PTPRK: variants seen among roughly 807,000 people sequenced by gnomAD.
PTPRK encodes receptor-type tyrosine-protein phosphatase kappa.
In PTPRK, 75 loss-of-function variants were observed where a neutral mutation model predicts 178.0. The observed-to-expected ratio is 0.42, with a 90% CI of 0.35 to 0.51. PTPRK has a LOEUF of 0.51. Among genes scored for constraint, PTPRK ranks in the 20% least tolerant of loss-of-function variants. The pLI, the probability that PTPRK is intolerant of heterozygous loss-of-function variation, is 0.02. For synonymous variants in PTPRK, 637 were observed against 620.6 expected (o/e 1.03, Z -0.39); for missense variants, 1,441 against 1,797.8 (o/e 0.80, Z 3.59).
chr6:128,141,174 AAT>A (rs1315782444), intron 7 of PTPRK, among the ~76,000 whole-genome samples: 1 of 151,978 alleles, frequency 6.6e-6, no homozygotes, highest in East Asian at 1.9e-4. Flanking sequence ...TATTTTATTA[AAT>A]AGTGTTCAAA....
Position 128,282,194 on chromosome 6 carries a change from G to C in PTPRK, c.496-39592C>G, listed in dbSNP as rs181977514. Among the ~76,000 whole-genome samples the C allele has an allele frequency of 1.6e-4, 24 of 152,272 alleles. 1 individual carries two copies. The highest frequency in any genetic ancestry group is 5.5e-4 in the African/African-American group (23 of 41,562). On this transcript the variant is annotated intron_variant, in intron 3 of 29. Coordinates refer to ENST00000368226, the MANE Select transcript of PTPRK (RefSeq NM_002844.4). ...TCCCTAAAGGAGACAACTCTTCAGG[G>C]TGTTTGCTTTTGTAGAAAAGGCAAT...
chr6:128,205,674 G>C (rs150113887), intron 6 of PTPRK, among the ~76,000 whole-genome samples: 1 of 150,538 alleles, frequency 6.6e-6, no homozygotes, highest in Non-Finnish European at 1.5e-5. Context: ...GAGAGGTGGA[G>C]GCAGGAGAGT....
intron 7 of PTPRK, among the ~76,000 whole-genome samples, chr6:128,152,427 CA>C (rs760123211): frequency 3.3e-5 from 5 of 151,810 alleles, no homozygotes; most frequent in Admixed American, 6.6e-5. Flanking sequence ...CGAGGGATAT[CA>C]GGGGAGAGGC....
chr6:128,051,634 T>C (rs770766493), intron 13 of PTPRK, among the ~76,000 whole-genome samples: 2 of 152,192 alleles, frequency 1.3e-5, no homozygotes, highest in Non-Finnish European at 2.9e-5. Context: ...CGGTTGCTTC[T>C]ATTCTAGCTT....
rs373555423 is a variant in PTPRK, at chr6:127,983,402, A to G, written c.3252-25T>C. ...ACTGAAAAACAATTAAATTTAATGA[A>G]TTGTAAGAAGCATGTTAGTCTTCAT... On this transcript the variant is annotated intron_variant, in intron 22 of 29. Coordinates refer to ENST00000368226, the MANE Select transcript of PTPRK (RefSeq NM_002844.4). The G allele has an allele frequency of 5.0e-6, 8 of 1,609,560 alleles. No individual in the cohort carries two copies. In the East Asian group the frequency reaches 1.8e-4, roughly 36 times the overall value.
chr6:128,321,445 A>T (rs192798587), intron 3 of PTPRK: 1 of 235,050 alleles, frequency 4.3e-6, no homozygotes, highest in African/African-American at 2.3e-5. Context: ...AATTCAATGA[A>T]TCATTTCTGA....
intron 5 of PTPRK, chr6:128,232,184 C>T (rs117095254): frequency 5.3e-5 from 8 of 152,250 alleles, no homozygotes; most frequent in African/African-American, 1.9e-4. Context: ...GTGCTTTCTG[C>T]CTTCTGAATC....
chr6:128,065,880 T>C (rs1781662835), intron 12 of PTPRK, among the ~76,000 whole-genome samples: 1 of 152,218 alleles, frequency 6.6e-6, no homozygotes, highest in Non-Finnish European at 1.5e-5. Flanking sequence ...TACCAATCTC[T>C]ACTTGTAGAA....
chr6:128,324,877 T>G (rs770187347), intron 2 of PTPRK, among the ~76,000 whole-genome samples: 1 of 152,172 alleles, frequency 6.6e-6, no homozygotes, highest in Non-Finnish European at 1.5e-5. Context: ...GCTATTCTTA[T>G]CAACATCTAA....
chr6:128,322,667 A>ATATATATATATATAT (rs1828966029), intron 2 of PTPRK, among the ~76,000 whole-genome samples: 14 of 143,774 alleles, frequency 9.7e-5, no homozygotes, highest in African/African-American at 3.2e-4. Context: ...CTTTTAATAT[A>ATATATATATATATAT]ATATATATAT....
chr6:128,142,129 T>C (rs1795858172), intron 7 of PTPRK, among the ~76,000 whole-genome samples: 1 of 151,984 alleles, frequency 6.6e-6, no homozygotes, highest in South Asian at 2.1e-4. Flanking sequence ...TGTATGTGTA[T>C]ATATACATAG....
chr6:128,109,390 C>T (rs1472960783), intron 7 of PTPRK, among the ~76,000 whole-genome samples: 1 of 152,048 alleles, frequency 6.6e-6, no homozygotes, highest in Non-Finnish European at 1.5e-5. Context: ...TCATTATTTA[C>T]ATATGTTAAA....
chr6:128,104,884 A>G (rs1186432911), intron 7 of PTPRK, among the ~76,000 whole-genome samples: 1 of 152,204 alleles, frequency 6.6e-6, no homozygotes, highest in East Asian at 1.9e-4. Context: ...GAGGAGAGGA[A>G]AAGGTCATTG....
chr6:128,425,065 A>G (rs1302757151), intron 1 of PTPRK, among the ~76,000 whole-genome samples: 3 of 149,282 alleles, frequency 2.0e-5, no homozygotes, highest in African/African-American at 2.5e-5. Flanking sequence ...TGTACACTGT[A>G]CCCAATGTGT....
chr6:128,288,096 ATTCTTCAGAT>A (rs1822805179), intron 3 of PTPRK, among the ~76,000 whole-genome samples: 1 of 152,150 alleles, frequency 6.6e-6, no homozygotes, highest in African/African-American at 2.4e-5. Flanking sequence ...TACAAAGATT[ATTCTTCAGAT>A]TTCTGGCTCT....
At chr6:128,369,529 C>T (rs1175330033) in intron 2 of PTPRK, among the ~76,000 whole-genome samples, 1 of 151,996 alleles carries the variant, frequency 6.6e-6, no homozygotes, top group Non-Finnish European at 1.5e-5. Context: ...AAATTCTTGA[C>T]ATACAAAAGA....
chr6:128,431,858 G>A (rs1844875717), intron 1 of PTPRK, among the ~76,000 whole-genome samples: 1 of 152,162 alleles, frequency 6.6e-6, no homozygotes, highest in South Asian at 2.1e-4. Context: ...CTACTAAGCA[G>A]AGCTATGTGG....
chr6:128,260,358 A>C (rs1817998584), intron 3 of PTPRK, among the ~76,000 whole-genome samples: 1 of 152,074 alleles, frequency 6.6e-6, no homozygotes, highest in Non-Finnish European at 1.5e-5. Context: ...TAAGGAGACC[A>C]CTGCAGTTGT....
intron 3 of PTPRK, among the ~76,000 whole-genome samples, chr6:128,291,168 G>A (rs1021448081): frequency 3.3e-5 from 5 of 151,984 alleles, no homozygotes; most frequent in African/African-American, 1.2e-4. Flanking sequence ...ATAAGACTCC[G>A]AAGCAATGTA....
Sources: gnomAD v4.1 joint callset for allele counts (sites outside exome capture counted in the v4.1 genomes callset) on GRCh38, gnomAD v4.1.1 for gene constraint, MANE v1.5 for transcripts, NCBI Gene and HGNC (gene_info 2026-07-23, HGNC 2026-07-21) for gene names.